ZDHHC14: variants seen among roughly 807,000 people sequenced by gnomAD.
ZDHHC14 encodes palmitoyltransferase ZDHHC14.
A neutral mutation model predicts 47.7 loss-of-function variants in ZDHHC14; 16 were observed. That is an observed-to-expected ratio of 0.34 (90% CI 0.23 to 0.51). ZDHHC14 has a LOEUF of 0.51. Ranked by LOEUF, ZDHHC14 falls within the 20% of genes least tolerant of loss-of-function variation. The pLI is 0.97. For missense variants in ZDHHC14, 515 were observed against 662.5 expected (o/e 0.78, Z 2.44); for synonymous variants, 293 against 278.9 (o/e 1.05, Z -0.50).
At chr6:157,627,349 C>T (rs112198222) in intron 3 of ZDHHC14, among the ~76,000 whole-genome samples, 22,395 of 152,096 alleles carry the variant, frequency 0.15, 4,997 homozygotes, top group African/African-American at 0.48. Flanking sequence ...AGAAAACAGC[C>T]GGAGGAGAAA....
chr6:157,534,229 C>T (rs1452796455), intron 1 of ZDHHC14, among the ~76,000 whole-genome samples: 2 of 152,312 alleles, frequency 1.3e-5, no homozygotes, highest in East Asian at 3.9e-4. Flanking sequence ...CCAGCACACA[C>T]ACCAGCAGCT....
intron 1 of ZDHHC14, among the ~76,000 whole-genome samples, chr6:157,480,581 G>A (rs1482293999): frequency 6.6e-6 from 1 of 152,172 alleles, no homozygotes; most frequent in African/African-American, 2.4e-5. Context: ...CCAGGCTTTT[G>A]ATGGATTTAA....
At chr6:157,670,450 T>C (rs1243963651) in intron 8 of ZDHHC14, among the ~76,000 whole-genome samples, 3 of 152,178 alleles carry the variant, frequency 2.0e-5, no homozygotes, top group Non-Finnish European at 2.9e-5. Flanking sequence ...TGTGCCACCA[T>C]GCCCAGCTAA....
chr6:157,534,763 A>AT (rs572500092), intron 1 of ZDHHC14, among the ~76,000 whole-genome samples: 15 of 150,630 alleles, frequency 1.0e-4, no homozygotes, highest in Admixed American at 6.6e-4. Flanking sequence ...TGGTTTTTGT[A>AT]TTTTTTTTGT....
At chr6:157,464,210 G>A (rs896421873) in intron 1 of ZDHHC14, among the ~76,000 whole-genome samples, 14 of 152,124 alleles carry the variant, frequency 9.2e-5, no homozygotes, top group Non-Finnish European at 2.9e-5. Flanking sequence ...TCTAGAGGTT[G>A]GATGGAATTG....
intron 2 of ZDHHC14, among the ~76,000 whole-genome samples, chr6:157,573,163 C>T (rs867328521): frequency 1.3e-5 from 2 of 152,120 alleles, no homozygotes; most frequent in South Asian, 2.1e-4. Flanking sequence ...CCCTTTCTTT[C>T]GGCCCCACTC....
intron 2 of ZDHHC14, among the ~76,000 whole-genome samples, chr6:157,546,851 T>C (rs1781991639): frequency 1.3e-5 from 2 of 152,226 alleles, no homozygotes; most frequent in South Asian, 4.1e-4. Context: ...GTTTCGTCTC[T>C]TCCCACCCGT....
At chr6:157,621,568 G>A (rs576140514) in intron 3 of ZDHHC14, among the ~76,000 whole-genome samples, 9 of 152,196 alleles carry the variant, frequency 5.9e-5, no homozygotes, top group South Asian at 2.1e-4. Flanking sequence ...GCCTGTGACC[G>A]CTGCATGGAA....
chr6:157,629,928 G>A (rs1785603325), intron 4 of ZDHHC14: 1 of 152,226 alleles, frequency 6.6e-6, no homozygotes, highest in African/African-American at 2.4e-5. Flanking sequence ...ACACAACTAG[G>A]GAAGAAATAC....
intron 8 of ZDHHC14, among the ~76,000 whole-genome samples, chr6:157,661,580 G>T (rs1048945563): frequency 2.0e-5 from 3 of 152,186 alleles, no homozygotes; most frequent in Non-Finnish European, 2.9e-5. Flanking sequence ...TTATGCAGTG[G>T]GGAGTGGCAG....
chr6:157,483,184 G>T (rs1779675039), intron 1 of ZDHHC14, among the ~76,000 whole-genome samples: 1 of 152,198 alleles, frequency 6.6e-6, no homozygotes, highest in Admixed American at 6.5e-5. Context: ...TTCTCTTGCA[G>T]GGTATATCAA....
intron 1 of ZDHHC14, among the ~76,000 whole-genome samples, chr6:157,531,617 T>TGTGGG (rs1048314030): frequency 1.3e-4 from 20 of 149,388 alleles, no homozygotes; most frequent in Non-Finnish European, 2.7e-4. Flanking sequence ...CACTGGAATG[T>TGTGGG]GAGCTGCCAG....
In ZDHHC14 at chr6:157,495,695, A is replaced by ATTTTTTTTT. The variant is rs71027341; in HGVS notation, c.246-46871_246-46863dup. ...GGAAATGTTGAGAAGTTCGGGTTGA[A>ATTTTTTTTT]TTTTTTTTTTTTTTTTTTTTTTTTT... On this transcript the variant is annotated intron_variant, in intron 1 of 8. Coordinates refer to ENST00000359775, the MANE Select transcript of ZDHHC14 (RefSeq NM_024630.3). Among the ~76,000 whole-genome samples the ATTTTTTTTT allele has an allele frequency of 8.7e-4, 91 of 104,346 alleles. 3 individuals are homozygous for ATTTTTTTTT. Among genetic ancestry groups the ATTTTTTTTT allele is most frequent in the African/African-American group, 2.5e-3 (68 of 27,728 alleles). 68.5% of individuals were successfully genotyped at this position (104,346 alleles called of 152,430 possible).
chr6:157,424,601 C>T (rs1778178971), intron 1 of ZDHHC14, among the ~76,000 whole-genome samples: 1 of 152,170 alleles, frequency 6.6e-6, no homozygotes, highest in Non-Finnish European at 1.5e-5. Context: ...GAACAAACAA[C>T]TGGTTAAAAA....
chr6:157,518,238 T>A (rs1350653483), intron 1 of ZDHHC14, among the ~76,000 whole-genome samples: 1 of 152,226 alleles, frequency 6.6e-6, no homozygotes, highest in East Asian at 1.9e-4. Context: ...TGGCTCCTGC[T>A]AGATCTTCCT....
At chr6:157,602,506 A>AAG (rs34473268) in intron 3 of ZDHHC14, among the ~76,000 whole-genome samples, 49,694 of 145,272 alleles carry the variant, frequency 0.34, 9,207 homozygotes, top group African/African-American at 0.44. Context: ...AAAAAAAAAA[A>AAG]AACGCATTCA....
chr6:157,437,979 A>G (rs1778477297), intron 1 of ZDHHC14, among the ~76,000 whole-genome samples: 2 of 152,176 alleles, frequency 1.3e-5, no homozygotes, highest in Non-Finnish European at 1.5e-5. Flanking sequence ...GTATAAAGCT[A>G]ATTAAAAGTT....
chr6:157,598,225 C>T (rs995780024), intron 3 of ZDHHC14, among the ~76,000 whole-genome samples: 1 of 152,194 alleles, frequency 6.6e-6, no homozygotes, highest in Non-Finnish European at 1.5e-5. Context: ...CCTGCAGCTG[C>T]CTTCTGGTGT....
intron 5 of ZDHHC14, among the ~76,000 whole-genome samples, chr6:157,637,612 A>C (rs1777049763): frequency 2.0e-5 from 3 of 152,216 alleles, no homozygotes. Context: ...TTTAAAACTG[A>C]AGGAAGTTTC....
Sources: gnomAD v4.1 joint callset for allele counts (sites outside exome capture counted in the v4.1 genomes callset) on GRCh38, gnomAD v4.1.1 for gene constraint, MANE v1.5 for transcripts, NCBI Gene and HGNC (gene_info 2026-07-23, HGNC 2026-07-21) for gene names.